The following PIK3C2G variants were observed in gnomAD, a reference collection of about 807,000 sequenced individuals.
PIK3C2G encodes the protein phosphatidylinositol-4-phosphate 3-kinase catalytic subunit type 2 gamma, also known as phosphatidylinositol 3-kinase C2 domain-containing subunit gamma.
A neutral mutation model predicts 181.1 loss-of-function variants in PIK3C2G; 168 were observed. The ratio of observed to expected loss-of-function variants is 0.93; its 90% CI spans 0.82 to 1.05. The LOEUF (loss-of-function observed/expected upper bound fraction) is 1.05. Among genes scored for constraint, PIK3C2G ranks in the 50% least tolerant of loss-of-function variants. The pLI, the probability that PIK3C2G is intolerant of heterozygous loss-of-function variation, is 0.00. For missense variants in PIK3C2G, 1,869 were observed against 1,732.8 expected, an observed-to-expected ratio of 1.08 and a Z score of -1.40; for synonymous variants, 573 against 592.2, an observed-to-expected ratio of 0.97 and a Z score of 0.47.
At chr12:18,360,071 T>C (rs957955630) in intron 11 of PIK3C2G, among the ~76,000 whole-genome samples, 9 of 152,176 alleles carry the variant, frequency 5.9e-5, no homozygotes, top group Non-Finnish European at 1.2e-4. Context: ...TTAGTGTTTG[T>C]TGTTATTTTT....
chr12:18,388,569 C>T (rs1017049228), intron 14 of PIK3C2G, among the ~76,000 whole-genome samples: 2 of 152,168 alleles, frequency 1.3e-5, no homozygotes. Context: ...GACACCATGC[C>T]CAGCACGTGT....
At chr12:18,316,794 T>C (rs1950881999) in intron 6 of PIK3C2G, among the ~76,000 whole-genome samples, 1 of 152,002 alleles carries the variant, frequency 6.6e-6, no homozygotes, top group African/African-American at 2.4e-5. Flanking sequence ...TTTGTATATT[T>C]GTATATCCTC....
chr12:18,391,414 G>A (rs879901045), intron 15 of PIK3C2G, among the ~76,000 whole-genome samples, 162 bp downstream of exon 15: 3 of 152,228 alleles, frequency 2.0e-5, no homozygotes, highest in African/African-American at 4.8e-5. Flanking sequence ...TGTTTAGGAC[G>A]TAAATAAGTA....
At chr12:18,695,082 G>GT in the PIK3C2G span, 27 of 1,611,470 alleles carry the variant, frequency 1.7e-5, no homozygotes, top group African/African-American at 2.8e-4. Context: ...TAAAGCCACT[G>GT]TAAGAAAGAA....
intron 18 of PIK3C2G, among the ~76,000 whole-genome samples, chr12:18,454,565 T>C (rs908676252): frequency 5.9e-5 from 9 of 152,080 alleles, no homozygotes; most frequent in Admixed American, 5.9e-4. Flanking sequence ...TGGCTGAGTA[T>C]CTGAATGAGA....
chr12:18,694,974 T>A, the PIK3C2G span: 5 of 1,608,484 alleles, frequency 3.1e-6, no homozygotes, highest in Non-Finnish European at 4.3e-6. Context: ...TGATTTACTC[T>A]CTCTTAAGAA....
chr12:18,353,184 G>A (rs973452558), intron 11 of PIK3C2G, among the ~76,000 whole-genome samples: 1 of 152,120 alleles, frequency 6.6e-6, no homozygotes, highest in Non-Finnish European at 1.5e-5. Context: ...CTGACAGGGG[G>A]CATTGTTTTG....
At position 18,362,898 on chromosome 12, in the gene PIK3C2G, C is replaced by A. The variant is rs1488406424; in HGVS notation, c.1748+12C>A. On this transcript the variant is annotated intron_variant, in intron 12 of 32. Transcript: ENST00000538779. ...AACTGGAATGAAACGTAAGTTTAAT[C>A]TTTACTGTATCTGGATCATTTATGT... The A allele has an allele frequency of 1.3e-6, 2 of 1,484,074 alleles. No homozygotes were observed. Among genetic ancestry groups the A allele is most frequent in the Non-Finnish European group, 1.8e-6 (2 of 1,119,824 alleles). The allele number at this position is 1,484,074 out of a possible 1,614,324, so 91.9% of individuals were successfully genotyped here.
chr12:18,357,729 A>G (rs377729662), intron 11 of PIK3C2G, among the ~76,000 whole-genome samples: 4 of 152,222 alleles, frequency 2.6e-5, no homozygotes, highest in East Asian at 3.8e-4. Flanking sequence ...GCATTGTTGT[A>G]TGGGAGATCT....
intron 11 of PIK3C2G, among the ~76,000 whole-genome samples, chr12:18,348,923 CT>C (rs995836163): frequency 2.2e-4 from 34 of 152,242 alleles, no homozygotes; most frequent in African/African-American, 8.2e-4. Context: ...CTCACTGGGG[CT>C]GAAGAATCCA....
chr12:18,423,627 A>C lies in PIK3C2G; in HGVS notation c.2410-318A>C, dbSNP rs78360230. ...AGGAAAAAATATCTGTGGCTTAATA[A>C]TATTGTATTTAATAATCCAGGACTT... On this transcript the variant is annotated intron_variant, in intron 17 of 32. Transcript: ENST00000538779. 7.0e-3 allele frequency among the ~76,000 whole-genome samples: 1,066 copies of C among 152,230 alleles called. 6 individuals carry two copies. The highest frequency in any genetic ancestry group is 0.019 in the African/African-American group (779 of 41,534).
At chr12:18,545,891 A>G (rs1944397649) in intron 25 of PIK3C2G, among the ~76,000 whole-genome samples, 1 of 151,926 alleles carries the variant, frequency 6.6e-6, no homozygotes, top group South Asian at 2.1e-4. Flanking sequence ...ATTTTTGTGT[A>G]ATATTTTGTA....
chr12:18,485,811 T>C (rs1166030129), intron 18 of PIK3C2G, among the ~76,000 whole-genome samples: 7 of 152,154 alleles, frequency 4.6e-5, no homozygotes, highest in South Asian at 2.1e-4. Flanking sequence ...ATAAGCAATA[T>C]TGCCTCTCCC....
the PIK3C2G span, among the ~76,000 whole-genome samples, chr12:18,709,228 G>C: frequency 6.9e-6 from 1 of 144,658 alleles, no homozygotes; most frequent in African/African-American, 2.6e-5. Flanking sequence ...TCGTTCTTTA[G>C]CATGTCGAAA....
At chr12:18,715,399 G>GT in the PIK3C2G span, among the ~76,000 whole-genome samples, 265 of 146,230 alleles carry the variant, frequency 1.8e-3, no homozygotes, top group South Asian at 4.2e-3. Context: ...GGGGTGTTTG[G>GT]TTTTTTTTTT....
rs543098237 is a variant in PIK3C2G, at chr12:18,573,222, A to G, written c.4011+6165A>G. 4.6e-5 allele frequency among the ~76,000 whole-genome samples: 7 copies of G among 152,208 alleles called. No individual in the cohort carries two copies. The South Asian group carries it at 1.2e-3, about 27-fold the overall frequency. On this transcript the variant is annotated intron_variant, in intron 29 of 32. Coordinates refer to ENST00000538779, the MANE Select transcript of PIK3C2G (RefSeq NM_001288772.2). ...ATCTTAGTGTGGAAAAGAATTAAAT[A>G]TAGGGACATTAGCAATCTGAGATTG...
At chr12:18,663,109 A>G in the PIK3C2G span, among the ~76,000 whole-genome samples, 2 of 152,068 alleles carry the variant, frequency 1.3e-5, no homozygotes, top group East Asian at 3.9e-4. Flanking sequence ...AAAATCCACA[A>G]TGAATATTAT....
At chr12:18,677,802 T>C in the PIK3C2G span, among the ~76,000 whole-genome samples, 21 of 152,180 alleles carry the variant, frequency 1.4e-4, no homozygotes, top group East Asian at 3.5e-3. Context: ...TGTAGATAGA[T>C]CTAAAAAATA....
chr12:18,618,961 T>C (rs1298090703), intron 31 of PIK3C2G, among the ~76,000 whole-genome samples: 2 of 151,946 alleles, frequency 1.3e-5, no homozygotes, highest in African/African-American at 2.4e-5. Flanking sequence ...TGTTGGAAAA[T>C]ATCTAAAGAT....
Sources: gnomAD v4.1 joint callset for allele counts (sites outside exome capture counted in the v4.1 genomes callset) on GRCh38, gnomAD v4.1.1 for gene constraint, MANE v1.5 for transcripts, NCBI Gene and HGNC (gene_info 2026-07-23, HGNC 2026-07-21) for gene names.